MLLT10: variants seen among roughly 807,000 people sequenced by gnomAD.
The protein encoded by MLLT10 is protein AF-10.
In MLLT10, 30 loss-of-function variants were observed where a neutral mutation model predicts 129.1. The ratio of observed to expected loss-of-function variants is 0.23; its 90% CI spans 0.17 to 0.32. MLLT10 has a LOEUF of 0.32. Ranked by LOEUF, MLLT10 falls within the 10% of genes least tolerant of loss-of-function variation. MLLT10 has a pLI of 1.00. For missense variants in MLLT10, 1,119 were observed against 1,268.3 expected, an observed-to-expected ratio of 0.88 and a Z score of 1.79; for synonymous variants, 490 against 446.4, an observed-to-expected ratio of 1.10 and a Z score of -1.23.
rs1425648682 is a variant in MLLT10, at chr10:21,670,702, A to G, written c.1049A>G (p.Gln350Arg). The change falls in exon 10 of 23, where the codon CAA becomes CGA. Residue 350 changes from glutamine (Q) to arginine (R), a missense_variant and splice_region_variant. By Grantham distance (43) the Gln-to-Arg change is conservative. Around this residue, in one of 5 missense-constraint regions of MLLT10, gnomAD observed 1,004 missense variants for 1,008.7 expected, o/e 1.00. Coordinates refer to ENST00000307729, the MANE Select transcript of MLLT10 (RefSeq NM_001195626.3). ...TTVSAASPFPQGSFSGTPGSV... is the reference protein window; with the variant it reads ...TTVSAASPFPRGSFSGTPGSV... Reference sequence around the variant, plus strand: ...GTGTCAGCAGCTAGCCCTTTTCCTCAAGGTATTAGTGATGTTTTAGTTAAA... The same window carrying G: ...GTGTCAGCAGCTAGCCCTTTTCCTCGAGGTATTAGTGATGTTTTAGTTAAA... The G allele has an allele frequency of 6.2e-7, 1 of 1,612,342 alleles. No individual in the cohort carries two copies. The highest frequency in any genetic ancestry group is 2.2e-5 in the East Asian group (1 of 44,860).
At chr10:21,646,485 T>G (rs753590085) in intron 8 of MLLT10, among the ~76,000 whole-genome samples, 1 of 152,164 alleles carries the variant, frequency 6.6e-6, no homozygotes, top group Non-Finnish European at 1.5e-5. Flanking sequence ...AAAACTTTTT[T>G]TTTTTAGGTT....
chr10:21,537,700 C>T (rs1404353591), intron 2 of MLLT10, among the ~76,000 whole-genome samples: 1 of 151,980 alleles, frequency 6.6e-6, no homozygotes, highest in Non-Finnish European at 1.5e-5. Flanking sequence ...AACTCCTGAC[C>T]TCAGGTGATC....
intron 3 of MLLT10, among the ~76,000 whole-genome samples, chr10:21,581,266 C>T (rs180759680): frequency 2.7e-4 from 41 of 151,968 alleles, no homozygotes; most frequent in Admixed American, 2.4e-3. Context: ...CCAGGATGGT[C>T]TCGATCTCCT....
At chr10:21,691,558 C>G (rs2053851692) in intron 13 of MLLT10, among the ~76,000 whole-genome samples, 1 of 149,322 alleles carries the variant, frequency 6.7e-6, no homozygotes, top group South Asian at 2.1e-4. Context: ...CTTAGGAAGC[C>G]AAAAACTTTA....
intron 11 of MLLT10, among the ~76,000 whole-genome samples, chr10:21,675,689 G>C (rs554864996): frequency 6.6e-6 from 1 of 152,140 alleles, no homozygotes; most frequent in Non-Finnish European, 1.5e-5. Context: ...AGCAAGAGGC[G>C]TAGTAATCAA....
intron 13 of MLLT10, among the ~76,000 whole-genome samples, chr10:21,713,195 T>C (rs985205309): frequency 1.3e-5 from 2 of 152,216 alleles, no homozygotes; most frequent in African/African-American, 4.8e-5. Flanking sequence ...AAGTCCTGTC[T>C]GTGTTATCGC....
In MLLT10 at chr10:21,623,415, G is replaced by T. The variant is rs111593874; in HGVS notation, c.699+6208G>T. On this transcript the variant is annotated intron_variant, in intron 8 of 22. Coordinates refer to ENST00000307729, the MANE Select transcript of MLLT10 (RefSeq NM_001195626.3). Reference sequence around the variant, plus strand: ...GAATTCAAAGAGTTTTACAAGCTCTGTGCCAGGAATCTGAGAATAAGACCA... The same window carrying T: ...GAATTCAAAGAGTTTTACAAGCTCTTTGCCAGGAATCTGAGAATAAGACCA... 7.7e-3 allele frequency among the ~76,000 whole-genome samples: 1,167 copies of T among 152,252 alleles called. 10 individuals are homozygous for T. Among genetic ancestry groups the T allele is most frequent in the African/African-American group, 0.023 (948 of 41,518 alleles).
Position 21,735,125 on chromosome 10 carries a change from T to TAATC in MLLT10, c.2859-12_2859-9dup, listed in dbSNP as rs749710080. The TAATC allele has an allele frequency of 6.3e-7, 1 of 1,599,792 alleles. No individual in the cohort carries two copies. Among genetic ancestry groups the TAATC allele is most frequent in the South Asian group, 1.1e-5 (1 of 89,756 alleles). ...GGTGTGTAGTAAAAAGTAAGAATTG[T>TAATC]AATCATTTTTCAGTGCCTCAGGACT... On this transcript the variant is annotated splice_polypyrimidine_tract_variant and intron_variant, in intron 20 of 22. Coordinates refer to ENST00000307729, the MANE Select transcript of MLLT10 (RefSeq NM_001195626.3).
At chr10:21,717,939 T>TTC (rs1564712838) in intron 14 of MLLT10, among the ~76,000 whole-genome samples, 3 of 142,506 alleles carry the variant, frequency 2.1e-5, no homozygotes, top group East Asian at 2.1e-4. Context: ...TTCTCCTTCT[T>TTC]TTCTTCTTTC....
Position 21,538,844 on chromosome 10 carries a change from A to T in MLLT10, c.172A>T (p.Ile58Phe). The T allele has an allele frequency of 6.2e-7, 1 of 1,612,106 alleles. No individual in the cohort carries two copies. The highest frequency in any genetic ancestry group is 8.5e-7 in the Non-Finnish European group (1 of 1,178,776). Residue 58 changes from isoleucine (I) to phenylalanine (F), a missense_variant, in exon 3 of 23, where the codon ATT (isoleucine) becomes TTT (phenylalanine). Coordinates refer to ENST00000307729, the MANE Select transcript of MLLT10 (RefSeq NM_001195626.3). The part of the protein sequence containing the change: ...SVAVHQACYG[I>F]VQVPTGPWFC... ...TCATTTTTCAACAGCTTGCTATGGC[A>T]TTGTTCAAGTACCCACTGGACCGTG... is the stretch of plus-strand genomic sequence containing the variant.
chr10:21,654,798 T>C (rs1173717394), intron 9 of MLLT10, among the ~76,000 whole-genome samples: 2 of 152,214 alleles, frequency 1.3e-5, no homozygotes, highest in Non-Finnish European at 2.9e-5. Flanking sequence ...TGGATCATTA[T>C]ATTTAAACCC....
chr10:21,646,479 C>CT (rs78709453), intron 8 of MLLT10, among the ~76,000 whole-genome samples: 13 of 144,274 alleles, frequency 9.0e-5, no homozygotes, highest in South Asian at 2.2e-4. Context: ...ATTTTGAAAA[C>CT]TTTTTTTTTT....
rs118090148 is a variant in MLLT10, at chr10:21,620,313, A to C, written c.699+3106A>C. On this transcript the variant is annotated intron_variant, in intron 8 of 22. Transcript: ENST00000307729. ...AGTGTTGCATTGAAAGGTAACGCTCATAATCAAGTCAGACATTAGTATTTT... is the reference window on the plus strand; with the variant it reads ...AGTGTTGCATTGAAAGGTAACGCTCCTAATCAAGTCAGACATTAGTATTTT... Among the ~76,000 whole-genome samples, 226 of 152,334 alleles carry C rather than the reference A, an allele frequency of 1.5e-3. 1 individual carries two copies. The highest frequency in any genetic ancestry group is 2.5e-3 in the South Asian group (12 of 4,830).
chr10:21,556,589 G>C (rs1437026274), intron 3 of MLLT10: 1 of 1,419,308 alleles, frequency 7.0e-7, no homozygotes, highest in Non-Finnish European at 9.7e-7. Flanking sequence ...GCAGGTGAGA[G>C]CCAGTTACGC....
At chr10:21,625,819 C>G (rs2046375234) in intron 8 of MLLT10, 4 of 771,576 alleles carry the variant, frequency 5.2e-6, no homozygotes, top group Admixed American at 3.4e-5. Context: ...TGGTAAATGC[C>G]TACCCTCTAT....
chr10:21,534,840 T>TGCGCCCAACGGTCACCGCCGCCCC, intron 2 of MLLT10, 36 bp downstream of exon 2: 2 of 1,523,552 alleles, frequency 1.3e-6, no homozygotes, highest in Admixed American at 3.7e-5. Flanking sequence ...CGCGCCGGCC[T>TGCGCCCAACGGTCACCGCCGCCCC]GCGCCCAACG....
At chr10:21,656,176 T>C (rs1202414822) in intron 9 of MLLT10, among the ~76,000 whole-genome samples, 3 of 152,174 alleles carry the variant, frequency 2.0e-5, no homozygotes, top group African/African-American at 7.2e-5. Flanking sequence ...AGGTTCCTTT[T>C]TGGGGAACGG....
chr10:21,575,355 C>G (rs943755953), intron 3 of MLLT10, among the ~76,000 whole-genome samples: 3 of 152,124 alleles, frequency 2.0e-5, no homozygotes, highest in African/African-American at 7.2e-5. Context: ...CGCTGCCATG[C>G]CCAGCTAATT....
chr10:21,664,363 G>T (rs1308095100), intron 9 of MLLT10, among the ~76,000 whole-genome samples: 2 of 150,054 alleles, frequency 1.3e-5, no homozygotes, highest in African/African-American at 4.9e-5. Context: ...CTCTGTCCTG[G>T]AGTGCAGTGG....
Sources: allele counts gnomAD v4.1 joint callset (sites outside exome capture counted in the v4.1 genomes callset), GRCh38; gene constraint gnomAD v4.1.1; regional missense constraint gnomAD v4.1.1; transcripts MANE v1.5; gene names NCBI Gene and HGNC (gene_info 2026-07-23, HGNC 2026-07-21).